Variants in SLC38A11 observed in about 807,000 individuals in gnomAD.
The protein encoded by SLC38A11 is solute carrier family 38 member 11.
In SLC38A11, 51 loss-of-function variants were observed where a neutral mutation model predicts 49.4. The observed-to-expected ratio is 1.03, with a 90% CI of 0.83 to 1.30. The LOEUF (loss-of-function observed/expected upper bound fraction) is 1.30. Among genes scored for constraint, SLC38A11 ranks in the 50% most tolerant of loss-of-function variants. The pLI is 0.00. For synonymous variants in SLC38A11, 203 were observed against 192.9 expected (o/e 1.05, Z -0.43); for missense variants, 574 against 556.2 (o/e 1.03, Z -0.32).
At chr2:164,934,772 T>G (rs1687242653) in intron 7 of SLC38A11, among the ~76,000 whole-genome samples, 1 of 152,146 alleles carries the variant, frequency 6.6e-6, no homozygotes, top group Non-Finnish European at 1.5e-5. Context: ...CAATTAAAAT[T>G]TTTAGCCCAA....
At chr2:164,909,589 C>G (rs564032524) in intron 10 of SLC38A11, among the ~76,000 whole-genome samples, 1 of 151,386 alleles carries the variant, frequency 6.6e-6, no homozygotes, top group African/African-American at 2.4e-5. Flanking sequence ...TATGCTTGAC[C>G]TACCTTGGTT....
chr2:164,920,178 G>T (rs1039064511), intron 7 of SLC38A11, among the ~76,000 whole-genome samples: 3 of 151,822 alleles, frequency 2.0e-5, no homozygotes, highest in Non-Finnish European at 2.9e-5. Context: ...AGAGACTGAG[G>T]CAGGAGAATC....
Position 164,898,573 on chromosome 2 carries a change from G to T in SLC38A11, c.1253C>A (p.Thr418Lys). The T allele has an allele frequency of 6.2e-7, 1 of 1,613,618 alleles. No homozygotes were observed. The highest frequency in any genetic ancestry group is 8.5e-7 in the Non-Finnish European group (1 of 1,179,740). ...VMVFGFVMAITNTQDCTHGQE... is the reference protein window; with the variant it reads ...VMVFGFVMAIKNTQDCTHGQE... Reference sequence around the variant, plus strand: ...CCCATGGGTGCAGTCTTGAGTATTTGTAATAGCCATGACGAATCCAAAAAC... The same window carrying T: ...CCCATGGGTGCAGTCTTGAGTATTTTTAATAGCCATGACGAATCCAAAAAC... Residue 418 changes from threonine to lysine, a missense_variant, in exon 12 of 12, where the codon ACA becomes AAA. Physicochemically the swap from Thr to Lys is moderately conservative, Grantham distance 78. Transcript: ENST00000685975.
chr2:164,908,590 C>G, intron 11 of SLC38A11, 50 bp downstream of exon 11: 2 of 1,441,554 alleles, frequency 1.4e-6, no homozygotes, highest in Non-Finnish European at 1.8e-6. Context: ...TAATCATTAT[C>G]TTTTAAAGAG....
intron 11 of SLC38A11, 89 bp downstream of exon 11, chr2:164,908,551 G>A (rs1472875681): frequency 8.1e-7 from 1 of 1,239,224 alleles, no homozygotes; most frequent in Non-Finnish European, 1.1e-6. Flanking sequence ...TGACACTTTT[G>A]TTAAGGAAAA....
intron 11 of SLC38A11, among the ~76,000 whole-genome samples, chr2:164,903,641 A>C (rs1166157448): frequency 6.6e-6 from 1 of 152,206 alleles, no homozygotes; most frequent in Non-Finnish European, 1.5e-5. Context: ...TATTTAATGT[A>C]GACTTGCTTA....
intron 3 of SLC38A11, among the ~76,000 whole-genome samples, chr2:164,947,624 A>G (rs1301167445): frequency 1.3e-5 from 2 of 152,232 alleles, no homozygotes; most frequent in African/African-American, 2.4e-5. Flanking sequence ...TTTAAAATAT[A>G]TAAATTCTAA....
At chr2:164,938,084 C>T (rs1840330) in intron 6 of SLC38A11, among the ~76,000 whole-genome samples, 107,766 of 151,926 alleles carry the variant, frequency 0.71, 38,665 homozygotes, top group East Asian at 0.99. Context: ...GGTTTGTGTG[C>T]CTAGTCTTAA....
intron 11 of SLC38A11, among the ~76,000 whole-genome samples, chr2:164,907,630 C>T (rs1685110376): frequency 6.6e-6 from 1 of 152,086 alleles, no homozygotes. Flanking sequence ...TGCACAGGTC[C>T]TTTCTTATTG....
chr2:164,941,046 A>G (rs1206919934), intron 5 of SLC38A11, among the ~76,000 whole-genome samples: 1 of 152,058 alleles, frequency 6.6e-6, no homozygotes, highest in Non-Finnish European at 1.5e-5. Context: ...ACAGAGTGCT[A>G]TGATCAACAG....
intron 10 of SLC38A11, among the ~76,000 whole-genome samples, chr2:164,909,908 A>C (rs1430118979): frequency 1.3e-5 from 2 of 152,110 alleles, no homozygotes; most frequent in Non-Finnish European, 1.5e-5. Flanking sequence ...TTAATAACAT[A>C]AGTTGTAATG....
intron 5 of SLC38A11, among the ~76,000 whole-genome samples, chr2:164,943,594 A>G (rs948542547): frequency 6.6e-6 from 1 of 152,162 alleles, no homozygotes; most frequent in Non-Finnish European, 1.5e-5. Context: ...AGGGAGCTGG[A>G]GATTAGGATT....
intron 3 of SLC38A11, among the ~76,000 whole-genome samples, chr2:164,946,299 GGCTCAC>G (rs1688101369): frequency 6.6e-6 from 1 of 152,050 alleles, no homozygotes; most frequent in Non-Finnish European, 1.5e-5. Flanking sequence ...CCGGCGCAGT[GGCTCAC>G]GCTTGTAATC....
At chr2:164,941,806 A>G (rs534706029) in intron 5 of SLC38A11, among the ~76,000 whole-genome samples, 7 of 152,270 alleles carry the variant, frequency 4.6e-5, no homozygotes, top group South Asian at 2.1e-4. Context: ...ATATATATAT[A>G]TTTACGTTTT....
chr2:164,905,419 A>T (rs1041436427), intron 11 of SLC38A11, among the ~76,000 whole-genome samples: 2 of 152,308 alleles, frequency 1.3e-5, no homozygotes, highest in Admixed American at 1.3e-4. Flanking sequence ...GGCATCAGCC[A>T]CTGCGCCCTG....
chr2:164,928,128 T>C (rs890933528), intron 7 of SLC38A11, among the ~76,000 whole-genome samples: 1 of 152,196 alleles, frequency 6.6e-6, no homozygotes, highest in African/African-American at 2.4e-5. Context: ...CAAATATCTT[T>C]CCTATTTTTA....
In SLC38A11 at chr2:164,898,618, G is replaced by C; in HGVS notation, c.1208C>G (p.Pro403Arg). 1 of 1,613,514 alleles carries C rather than the reference G, an allele frequency of 6.2e-7. No homozygotes were observed. Among genetic ancestry groups the C allele is most frequent in the Non-Finnish European group, 8.5e-7 (1 of 1,179,732 alleles). The stretch of plus-strand genomic sequence containing the variant: ...AAAAACCATCACCACAGCACCAATG[G>C]GAAGCATGACACAAGACATAATCTT... ...SDKIMSCVML[P>R]IGAVVMVFGF... is the part of the protein sequence containing the mutation. Residue 403 changes from proline (P) to arginine (R), a missense_variant, in exon 12 of 12, where the codon CCC becomes CGC. Coordinates refer to ENST00000685975, the MANE Select transcript of SLC38A11 (RefSeq NM_001351537.2).
At chr2:164,899,217 T>A (rs748879848) in intron 11 of SLC38A11, among the ~76,000 whole-genome samples, 58 of 152,140 alleles carry the variant, frequency 3.8e-4, no homozygotes, top group Non-Finnish European at 7.4e-4. Context: ...GTATGGAAGA[T>A]GTGCCTATCT....
At chr2:164,954,351 T>C (rs1178239136) in intron 2 of SLC38A11, among the ~76,000 whole-genome samples, 3 of 152,022 alleles carry the variant, frequency 2.0e-5, no homozygotes, top group East Asian at 1.9e-4. Flanking sequence ...TACAGAAAAA[T>C]GATTCACCAC....
Sources: allele counts gnomAD v4.1 joint callset (sites outside exome capture counted in the v4.1 genomes callset), GRCh38; gene constraint gnomAD v4.1.1; transcripts MANE v1.5; gene names NCBI Gene and HGNC (gene_info 2026-07-23, HGNC 2026-07-21).